Variants in FATE1 observed in about 807,000 individuals in gnomAD.
The protein encoded by FATE1 is fetal and adult testis-expressed transcript protein.
FATE1 carries 18 observed loss-of-function variants against 16.0 expected under a neutral mutation model. The ratio of observed to expected loss-of-function variants is 1.12; its 90% CI spans 0.78 to 1.66. The LOEUF is 1.66. Among genes scored for constraint, FATE1 ranks in the 40% most tolerant of loss-of-function variants. The pLI is 0.00. For synonymous variants in FATE1, 76 were observed against 56.9 expected (o/e 1.34, Z -1.51); for missense variants, 169 against 152.7 (o/e 1.11, Z -0.56).
Position 151,717,376 on chromosome X carries a change from A to G in FATE1, c.211A>G (p.Thr71Ala). The G allele has an allele frequency of 8.3e-7, 1 of 1,204,453 alleles. No individual in the cohort carries two copies. The highest frequency in any genetic ancestry group is 2.6e-4 in the Middle Eastern group (1 of 3,812). ...SASAKRVWNMTATRPKKMGSQ... is the reference protein window; with the variant it reads ...SASAKRVWNMAATRPKKMGSQ... ...TTCAGCCAAACGAGTTTGGAATATG[A>G]CTGCCACCCGACCCAAGAAAATGGT... The change falls in exon 2 of 5, where the codon ACT (threonine) becomes GCT (alanine). Residue 71 changes from threonine to alanine, a missense_variant. By Grantham distance (58) the Thr-to-Ala change is moderately conservative. Coordinates refer to ENST00000370350, the MANE Select transcript of FATE1 (RefSeq NM_033085.3).
chrX:151,718,918 A>G (rs2015090682), intron 2 of FATE1, among the ~76,000 whole-genome samples: 1 of 112,118 alleles, frequency 8.9e-6, no homozygotes, highest in African/African-American at 3.2e-5. Flanking sequence ...CCAGTGAAGA[A>G]TGAGAAAAAA....
At chrX:151,717,593 G>T (rs1470910469) in intron 2 of FATE1, among the ~76,000 whole-genome samples, 194 bp downstream of exon 2, 1 of 112,193 alleles carries the variant, frequency 8.9e-6, no homozygotes, top group Non-Finnish European at 1.9e-5. Flanking sequence ...CTATGCTGGG[G>T]GTTCAACCTT....
chrX:151,721,805 A>AGAAGATC, intron 3 of FATE1, 98 bp from the exon 4 acceptor site: 1 of 752,802 alleles, frequency 1.3e-6, no homozygotes, highest in South Asian at 2.3e-5. Flanking sequence ...TCACTGTCCA[A>AGAAGATC]GAAGATCACG....
At position 151,722,908 on chromosome X, in the gene FATE1, A is replaced by C. The variant is rs2015131526; in HGVS notation, c.*149A>C. 2.7e-6 allele frequency: 2 copies of C among 751,124 alleles called. No homozygotes were observed. The highest frequency in any genetic ancestry group is 3.7e-6 in the Non-Finnish European group (2 of 536,320). The allele number at this position is 751,124 out of a possible 1,213,427, so 61.9% of individuals were successfully genotyped here. A position where few individuals can be genotyped will look rare whatever the true frequency, so the allele number is the denominator to read the frequency against. ...ATTTTCAACTCTGGTTAGGCCTCCT[A>C]CCTGGGGAGGCCAGGTCACTGCACT... On this transcript the variant is annotated 3_prime_UTR_variant, in exon 5 of 5. Transcript: ENST00000370350.
At chrX:151,719,106 G>A (rs1214512231) in intron 2 of FATE1, among the ~76,000 whole-genome samples, 2 of 111,554 alleles carry the variant, frequency 1.8e-5, no homozygotes, top group Non-Finnish European at 3.8e-5. Flanking sequence ...TGACTACAAG[G>A]GCTAGAGGTA....
In FATE1 at chrX:151,721,520, T is replaced by C. The variant is rs2015115967; in HGVS notation, c.341+19T>C. The stretch of plus-strand genomic sequence containing the variant: ...ATGATCGGTAAGAGCTGAGGGTCTG[T>C]GGGCCCTGGCTGCTCAGACAGGGCC... On this transcript the variant is annotated intron_variant, in intron 3 of 4. Coordinates refer to ENST00000370350, the MANE Select transcript of FATE1 (RefSeq NM_033085.3). 8.5e-7 allele frequency: 1 copy of C among 1,176,741 alleles called. No homozygotes were observed. The highest frequency in any genetic ancestry group is 3.0e-5 in the East Asian group (1 of 33,689).
intron 4 of FATE1, 44 bp downstream of exon 4, chrX:151,722,025 C>T: frequency 8.9e-7 from 1 of 1,125,565 alleles, no homozygotes; most frequent in Non-Finnish European, 1.2e-6. Context: ...AATCACAGTG[C>T]CTTGGAATAG....
chrX:151,721,729 G>C (rs765247335), intron 3 of FATE1, among the ~76,000 whole-genome samples, 174 bp from the exon 4 acceptor site: 70 of 112,166 alleles, frequency 6.2e-4, no homozygotes, highest in Non-Finnish European at 1.1e-3. Context: ...GCTAGCTCAG[G>C]CTGACTCCCA....
intron 3 of FATE1, among the ~76,000 whole-genome samples, 167 bp downstream of exon 3, chrX:151,721,668 T>C (rs2015117116): frequency 1.8e-5 from 2 of 112,086 alleles, no homozygotes; most frequent in African/African-American, 6.5e-5. Flanking sequence ...ATCCCAGTGC[T>C]CTGCGGCCTA....
intron 3 of FATE1, 133 bp downstream of exon 3, chrX:151,721,634 C>T: frequency 3.4e-6 from 2 of 589,561 alleles, no homozygotes; most frequent in Non-Finnish European, 5.5e-6. Context: ...CCATGAGTAC[C>T]CTGGCTCCCT....
At chrX:151,717,117 T>C (rs2015067830) in intron 1 of FATE1, among the ~76,000 whole-genome samples, 155 bp from the exon 2 acceptor site, 1 of 111,276 alleles carries the variant, frequency 9.0e-6, no homozygotes, top group East Asian at 2.8e-4. Context: ...ATGAACAAAC[T>C]GAGACCTGGG....
chrX:151,721,990 G>C lies in FATE1; in HGVS notation c.420+9G>C, dbSNP rs371057927. 2 of 1,200,973 alleles carry C rather than the reference G, an allele frequency of 1.7e-6. No individual in the cohort carries two copies. Among genetic ancestry groups the C allele is most frequent in the African/African-American group, 3.5e-5 (2 of 56,453 alleles). ...AAGTCATGAGAAGACAGGTGAGGAG[G>C]GACCCAATCGGTGGGTGCAAGCAGA... On this transcript the variant is annotated intron_variant, in intron 4 of 4. Transcript: ENST00000370350.
chrX:151,719,534 CA>C (rs2015097269), intron 2 of FATE1, among the ~76,000 whole-genome samples: 1 of 111,922 alleles, frequency 8.9e-6, no homozygotes, highest in Non-Finnish European at 1.9e-5. Context: ...ATAGGAAAAT[CA>C]AGCAATGGTC....
Position 151,722,736 on chromosome X carries a change from C to T in FATE1, c.529C>T (p.Leu177=), listed in dbSNP as rs760650753. ...AVLVSASIAN[L]WLWMNQ ...GCTGGTGTCGGCCAGCATTGCCAAC[C>T]TGTGGCTGTGGATGAACCAGTGATC... The change falls in exon 5 of 5, where the codon CTG becomes TTG. Residue 177 remains leucine (L), a synonymous_variant. Coordinates refer to ENST00000370350, the MANE Select transcript of FATE1 (RefSeq NM_033085.3). 34 of 1,210,067 alleles carry T rather than the reference C, an allele frequency of 2.8e-5. No individual in the cohort carries two copies. The highest frequency in any genetic ancestry group is 2.8e-5 in the Non-Finnish European group (25 of 894,714).
intron 2 of FATE1, among the ~76,000 whole-genome samples, chrX:151,718,098 G>C (rs1220001165): frequency 2.2e-5 from 2 of 89,477 alleles, no homozygotes; most frequent in Non-Finnish European, 4.4e-5. Flanking sequence ...AAGAAAGAAA[G>C]AAAGAGAGAG....
At chrX:151,719,421 A>G (rs771240073) in intron 2 of FATE1, among the ~76,000 whole-genome samples, 2 of 112,105 alleles carry the variant, frequency 1.8e-5, no homozygotes, top group African/African-American at 3.2e-5. Context: ...ACAACAAACT[A>G]TGTTATCTGA....
chrX:151,720,593 A>G (rs188035084), intron 2 of FATE1, among the ~76,000 whole-genome samples: 34 of 111,854 alleles, frequency 3.0e-4, no homozygotes, highest in Admixed American at 2.8e-3. Flanking sequence ...AGTTTCCCCT[A>G]CTTTCAAAAC....
chrX:151,722,499 G>A, intron 4 of FATE1, 129 bp from the exon 5 acceptor site: 1 of 991,323 alleles, frequency 1.0e-6, no homozygotes, highest in Non-Finnish European at 1.4e-6. Context: ...CACTAGGGGC[G>A]CTCCCCGCTC....
At chrX:151,716,693 C>A (rs766005521) in intron 1 of FATE1, among the ~76,000 whole-genome samples, 2 of 111,888 alleles carry the variant, frequency 1.8e-5, no homozygotes, top group South Asian at 7.6e-4. Context: ...GGATCCAGAT[C>A]ACATTGCATT....
Sources: allele counts gnomAD v4.1 joint callset (sites outside exome capture counted in the v4.1 genomes callset), GRCh38; gene constraint gnomAD v4.1.1; transcripts MANE v1.5; gene names NCBI Gene and HGNC (gene_info 2026-07-23, HGNC 2026-07-21).